UPB1: variants seen among roughly 807,000 people sequenced by gnomAD.
UPB1 encodes the protein beta-ureidopropionase.
Under a neutral mutation model 49.1 loss-of-function variants are expected in UPB1, and 40 were observed. The ratio of observed to expected loss-of-function variants is 0.81; its 90% CI spans 0.63 to 1.06. The LOEUF (loss-of-function observed/expected upper bound fraction) is 1.06, where lower values mean the gene tolerates loss of function less well. UPB1 is among the 50% of genes least tolerant of loss of function. UPB1 has a pLI of 0.00. For synonymous variants in UPB1, 207 were observed against 198.2 expected, an observed-to-expected ratio of 1.04 and a Z score of -0.38; for missense variants, 499 against 505.9, an observed-to-expected ratio of 0.99 and a Z score of 0.13.
intron 1 of UPB1, 143 bp downstream of exon 1, chr22:24,495,650 G>A (rs1050447765): frequency 1.2e-6 from 1 of 848,446 alleles, no homozygotes; most frequent in South Asian, 1.4e-5. Context: ...GACCATAGTA[G>A]GTCTTGATGG....
chr22:24,521,365 C>T (rs1207493534), intron 7 of UPB1, among the ~76,000 whole-genome samples: 2 of 151,722 alleles, frequency 1.3e-5, no homozygotes, highest in African/African-American at 4.8e-5. Flanking sequence ...CGCCTGTAAT[C>T]CCAGCTACTA....
At chr22:24,523,998 A>C (rs2147044636) in intron 9 of UPB1, among the ~76,000 whole-genome samples, 1 of 152,346 alleles carries the variant, frequency 6.6e-6, no homozygotes, top group African/African-American at 2.4e-5. Context: ...TTCTCCTCTC[A>C]TCTGATTTAG....
At chr22:24,504,583 CTT>C (rs2044051280) in intron 3 of UPB1, among the ~76,000 whole-genome samples, 1 of 152,100 alleles carries the variant, frequency 6.6e-6, no homozygotes, top group African/African-American at 2.4e-5. Flanking sequence ...AGTCTAGAAA[CTT>C]GGGTTCTGAA....
intron 7 of UPB1, among the ~76,000 whole-genome samples, chr22:24,521,598 A>G (rs73879078): frequency 0.015 from 2,238 of 152,304 alleles, 54 homozygotes; most frequent in African/African-American, 0.051. Context: ...TACTGAAAGC[A>G]GTGTGTGTAC....
chr22:24,500,017 C>A, intron 1 of UPB1, 90 bp from the exon 2 acceptor site: 1 of 1,594,172 alleles, frequency 6.3e-7, no homozygotes, highest in East Asian at 2.2e-5. Context: ...ACCTCTTTGG[C>A]TGATAAATAG....
chr22:24,523,471 C>A, intron 8 of UPB1, 148 bp from the exon 9 acceptor site: 2 of 1,169,034 alleles, frequency 1.7e-6, no homozygotes, highest in Admixed American at 1.8e-5. Context: ...AGATGAGAGA[C>A]AGGCCTTTTG....
At chr22:24,515,157 T>A (rs763449450) in intron 5 of UPB1, 44 bp from the exon 6 acceptor site, 1 of 1,613,034 alleles carries the variant, frequency 6.2e-7, no homozygotes, top group South Asian at 1.1e-5. Flanking sequence ...TCTAAGGAAA[T>A]CTTGAAGGTC....
chr22:24,524,611 G>A (rs764887861), intron 9 of UPB1, among the ~76,000 whole-genome samples: 8 of 152,018 alleles, frequency 5.3e-5, no homozygotes, highest in East Asian at 3.9e-4. Flanking sequence ...TCAGCCTCCC[G>A]AGTAACTGGG....
At chr22:24,502,562 C>A in intron 3 of UPB1, 1 of 773,830 alleles carries the variant, frequency 1.3e-6, no homozygotes, top group South Asian at 1.3e-5. Flanking sequence ...CAGATCTCAG[C>A]CCAGAGCCAG....
rs113807118 is a variant in UPB1 at position 24,522,237 on chromosome 22, G to A, written c.916+209G>A. ...GTGGATAGGCAGTCCTGAGCTTGAG[G>A]AGTGGGTTGGACTCCATCCATTCCC... is the stretch of plus-strand genomic sequence containing the variant. On this transcript the variant is annotated intron_variant, in intron 8 of 9. Transcript: ENST00000326010. 1.9e-3 allele frequency among the ~76,000 whole-genome samples: 288 copies of A among 152,206 alleles called. No individual in the cohort carries two copies. The highest frequency in any genetic ancestry group is 2.4e-3 in the Non-Finnish European group (163 of 68,044).
chr22:24,508,324 T>C (rs1476079263), intron 3 of UPB1, among the ~76,000 whole-genome samples: 1 of 152,154 alleles, frequency 6.6e-6, no homozygotes. Context: ...TTTCTGAGCC[T>C]GAGGTGGGCG....
rs1335801650 is a variant in UPB1, at chr22:24,526,112, G to A, written c.*318G>A. On this transcript the variant is annotated 3_prime_UTR_variant, in exon 10 of 10. Coordinates refer to ENST00000326010, the MANE Select transcript of UPB1 (RefSeq NM_016327.3). ...AAAATGCCCAGGTACTGCTTGTGCA[G>A]GTGGATTTGAGGTTAGGCAGATGAT... 3 of 382,812 alleles carry A rather than the reference G, an allele frequency of 7.8e-6. No individual in the cohort carries two copies. The highest frequency in any genetic ancestry group is 1.3e-4 in the East Asian group (2 of 15,936). 23.7% of individuals were successfully genotyped at this position (382,812 alleles called of 1,614,324 possible). A position where few individuals can be genotyped will look rare whatever the true frequency, so the allele number is the denominator to read the frequency against.
At chr22:24,509,731 G>A (rs886153694) in intron 3 of UPB1, among the ~76,000 whole-genome samples, 8 of 121,462 alleles carry the variant, frequency 6.6e-5, no homozygotes. Context: ...TGTGTGTGTG[G>A]CATATAGATA....
chr22:24,511,435 G>GA (rs1346218860), intron 4 of UPB1, among the ~76,000 whole-genome samples: 1 of 151,900 alleles, frequency 6.6e-6, no homozygotes, highest in Non-Finnish European at 1.5e-5. Flanking sequence ...TTAGGGTGAT[G>GA]AAAATGTTCT....
intron 7 of UPB1, among the ~76,000 whole-genome samples, chr22:24,520,948 C>T (rs964443896): frequency 2.0e-5 from 3 of 151,994 alleles, no homozygotes; most frequent in Non-Finnish European, 4.4e-5. Flanking sequence ...TTTGGGAATC[C>T]GAGGCTGGCA....
At chr22:24,498,229 A>G (rs945621183) in intron 1 of UPB1, among the ~76,000 whole-genome samples, 2 of 152,206 alleles carry the variant, frequency 1.3e-5, no homozygotes, top group Non-Finnish European at 1.5e-5. Flanking sequence ...AAAGAGCCCT[A>G]TCACATTGGA....
At chr22:24,505,766 G>A (rs2044078618) in intron 3 of UPB1, among the ~76,000 whole-genome samples, 1 of 152,084 alleles carries the variant, frequency 6.6e-6, no homozygotes, top group Admixed American at 6.6e-5. Flanking sequence ...AGGCTGGAGG[G>A]CAGTGGCGCG....
At chr22:24,518,918 C>G (rs571276642) in intron 6 of UPB1, among the ~76,000 whole-genome samples, 5 of 152,164 alleles carry the variant, frequency 3.3e-5, no homozygotes, top group Non-Finnish European at 4.4e-5. Context: ...CCCCATCAGA[C>G]GTCATGATTC....
intron 7 of UPB1, 71 bp from the exon 8 acceptor site, chr22:24,521,915 C>G: frequency 6.5e-7 from 1 of 1,533,226 alleles, no homozygotes; most frequent in South Asian, 1.1e-5. Context: ...GCTCATCTGG[C>G]TGAGTGAGCT....
Sources: gnomAD v4.1 joint callset for allele counts (sites outside exome capture counted in the v4.1 genomes callset) on GRCh38, gnomAD v4.1.1 for gene constraint, MANE v1.5 for transcripts, NCBI Gene and HGNC (gene_info 2026-07-23, HGNC 2026-07-21) for gene names.